POFUT4: variants seen among roughly 807,000 people sequenced by gnomAD.
The protein encoded by POFUT4 is GDP-fucose protein O-fucosyltransferase 4.
At chr10:73,773,548 C>G in the POFUT4 span, 3 of 1,614,250 alleles carry the variant, frequency 1.9e-6, no homozygotes, top group Middle Eastern at 1.6e-4. Context: ...TACAAGCAAC[C>G]TGGGGGCATC....
At chr10:73,775,622 A>G in the POFUT4 span, 5 of 1,614,256 alleles carry the variant, frequency 3.1e-6, no homozygotes, top group Non-Finnish European at 4.2e-6. Flanking sequence ...ACAACAATGA[A>G]ACAGAGCAGA....
the POFUT4 span, chr10:73,775,749 A>G: frequency 6.5e-7 from 1 of 1,545,726 alleles, no homozygotes; most frequent in South Asian, 1.1e-5. Context: ...ATGGGACATA[A>G]GGAGCATCCA....
chr10:73,773,068 G>C, the POFUT4 span: 1 of 1,548,582 alleles, frequency 6.5e-7, no homozygotes, highest in African/African-American at 1.4e-5. Flanking sequence ...CGGAGGGAAG[G>C]AAAAGGAGAG....
At chr10:73,778,674 A>G in the POFUT4 span, among the ~76,000 whole-genome samples, 1 of 152,230 alleles carries the variant, frequency 6.6e-6, no homozygotes, top group South Asian at 2.1e-4. Flanking sequence ...TAGGGTCTAC[A>G]CTTAATATAC....
the POFUT4 span, chr10:73,772,356 T>C: frequency 4.0e-3 from 5,956 of 1,473,246 alleles, 8 homozygotes; most frequent in Non-Finnish European, 4.7e-3. Context: ...CCCATTAGGG[T>C]GGTGTTGGTC....
the POFUT4 span, among the ~76,000 whole-genome samples, chr10:73,778,357 CACTCCAGCCTGGGTGACGAGCGAA>C: frequency 6.9e-6 from 1 of 145,148 alleles, no homozygotes; most frequent in African/African-American, 2.6e-5. Context: ...CGCACCATTG[CACTCCAGCCTGGGTGACGAGCGAA>C]ACTCCATCCC....
the POFUT4 span, chr10:73,772,693 G>A: frequency 1.5e-3 from 2,355 of 1,571,650 alleles, 28 homozygotes; most frequent in African/African-American, 0.027. Flanking sequence ...CGCGCGCGCT[G>A]CTCTTCTACG....
chr10:73,773,712 G>T, the POFUT4 span: 2 of 1,614,256 alleles, frequency 1.2e-6, no homozygotes, highest in East Asian at 2.2e-5. Flanking sequence ...CTCTCCCGGG[G>T]ACAGCCCCGT....
At chr10:73,772,938 A>C in the POFUT4 span, 1 of 1,608,000 alleles carries the variant, frequency 6.2e-7, no homozygotes, top group Non-Finnish European at 8.5e-7. Flanking sequence ...GAACGCGCGG[A>C]GTGGCGCCGC....
the POFUT4 span, chr10:73,773,490 A>G: frequency 6.2e-7 from 1 of 1,614,208 alleles, no homozygotes; most frequent in African/African-American, 1.3e-5. Context: ...GGCAGAGTTT[A>G]TTGACTTTCT....
At chr10:73,774,490 T>C in the POFUT4 span, 1 of 151,942 alleles carries the variant, frequency 6.6e-6, no homozygotes, top group Non-Finnish European at 1.5e-5. Flanking sequence ...TAATATATAA[T>C]ATAATATATT....
the POFUT4 span, chr10:73,775,371 T>C: frequency 8.7e-5 from 134 of 1,541,500 alleles, no homozygotes; most frequent in Non-Finnish European, 1.2e-4. Context: ...TTACTGCCTG[T>C]CGCTTGGGCT....
chr10:73,779,047 G>A, the POFUT4 span: 2 of 150,978 alleles, frequency 1.3e-5, no homozygotes, highest in African/African-American at 2.4e-5. Context: ...GGCTGAAGTG[G>A]GAGGATCGCC....
chr10:73,772,858 G>C, the POFUT4 span: 1 of 1,612,166 alleles, frequency 6.2e-7, no homozygotes, highest in African/African-American at 1.3e-5. Flanking sequence ...GTCGCCACTC[G>C]GATTACCCGC....
the POFUT4 span, chr10:73,774,159 G>A: frequency 4.6e-6 from 1 of 215,218 alleles, no homozygotes; most frequent in Non-Finnish European, 9.2e-6. Flanking sequence ...ATTAATACCA[G>A]GTTCAGGAGT....
At chr10:73,773,267 C>G in the POFUT4 span, 2 of 1,614,102 alleles carry the variant, frequency 1.2e-6, no homozygotes, top group Admixed American at 1.7e-5. Context: ...CGGCCACCAC[C>G]GAGGATCCAG....
chr10:73,775,585 AG>A, the POFUT4 span: 2 of 1,614,228 alleles, frequency 1.2e-6, no homozygotes, highest in Non-Finnish European at 1.7e-6. Context: ...GGTCTGGACC[AG>A]GGGGAAGCTC....
the POFUT4 span, chr10:73,779,163 G>A: frequency 6.6e-6 from 1 of 152,174 alleles, no homozygotes; most frequent in African/African-American, 2.4e-5. Flanking sequence ...AGAAGGCTAA[G>A]GCAGGAAGAT....
At chr10:73,775,923 C>T in the POFUT4 span, 1 of 511,810 alleles carries the variant, frequency 2.0e-6, no homozygotes, top group East Asian at 3.1e-5. Context: ...AAACAGAACC[C>T]TAAAACATCC....
Sources: allele counts gnomAD v4.1 joint callset (sites outside exome capture counted in the v4.1 genomes callset), GRCh38; gene constraint gnomAD v4.1.1; transcripts MANE v1.5; gene names NCBI Gene and HGNC (gene_info 2026-07-23, HGNC 2026-07-21).